Variants in GNA13 observed in about 807,000 individuals in gnomAD.
The protein encoded by GNA13 is G protein subunit alpha 13.
A neutral mutation model predicts 33.5 loss-of-function variants in GNA13; 4 were observed. The ratio of observed to expected loss-of-function variants is 0.12; its 90% CI spans 0.06 to 0.27. The LOEUF (loss-of-function observed/expected upper bound fraction) is 0.27. GNA13 is among the 10% of genes least tolerant of loss of function. The pLI is 1.00. For synonymous variants in GNA13, 176 were observed against 183.8 expected (o/e 0.96, Z 0.34); for missense variants, 319 against 487.2 (o/e 0.65, Z 3.25).
intron 2 of GNA13, among the ~76,000 whole-genome samples, chr17:65,033,180 T>C (rs1016399517): frequency 6.6e-6 from 1 of 151,836 alleles, no homozygotes; most frequent in South Asian, 2.1e-4. Flanking sequence ...AATACTGTCA[T>C]TGTTATCATT....
At chr17:65,048,320 T>A (rs926080858) in intron 2 of GNA13, among the ~76,000 whole-genome samples, 2 of 151,458 alleles carry the variant, frequency 1.3e-5, no homozygotes, top group Non-Finnish European at 2.9e-5. Flanking sequence ...AACCCCTGAC[T>A]CCCATCTCTT....
rs371507746 is a variant in GNA13 at position 65,044,060 on chromosome 17, T to C, written c.510+9442A>G. On this transcript the variant is annotated intron_variant, in intron 2 of 3. Transcript: ENST00000439174. ...TTGCTTGAGCTGGGGAGGTCAAGGCTACATACAGTAAGCCATGACTGTGCC... is the reference window on the plus strand; with the variant it reads ...TTGCTTGAGCTGGGGAGGTCAAGGCCACATACAGTAAGCCATGACTGTGCC... Among the ~76,000 whole-genome samples, 6 of 152,162 alleles carry C rather than the reference T, an allele frequency of 3.9e-5. No individual in the cohort carries two copies. In the South Asian group the frequency reaches 6.2e-4, roughly 16 times the overall value.
At chr17:65,015,403 T>C (rs1029369206) in intron 3 of GNA13, among the ~76,000 whole-genome samples, 2 of 151,588 alleles carry the variant, frequency 1.3e-5, no homozygotes, top group Non-Finnish European at 2.9e-5. Flanking sequence ...TGGCTCACGC[T>C]TGTAATTCCA....
At position 65,018,245 on chromosome 17, in the gene GNA13, A is replaced by G; in HGVS notation, c.561+8T>C. The G allele has an allele frequency of 6.9e-7, 1 of 1,453,898 alleles. No homozygotes were observed. The highest frequency in any genetic ancestry group is 9.7e-7 in the Non-Finnish European group (1 of 1,035,864). 90.1% of individuals were successfully genotyped at this position (1,453,898 alleles called of 1,614,324 possible). A position where few individuals can be genotyped will look rare whatever the true frequency, so the allele number is the denominator to read the frequency against. On this transcript the variant is annotated splice_region_variant and intron_variant, in intron 3 of 3. Transcript: ENST00000439174. ...CACTAAACATAAACATTTGGTTTAA[A>G]CACTTACTGGTTCTCCAAGTTTATC...
Position 65,012,858 on chromosome 17 carries a change from T to A in GNA13, c.*1399A>T, listed in dbSNP as rs951782967. On this transcript the variant is annotated 3_prime_UTR_variant, in exon 4 of 4. Coordinates refer to ENST00000439174, the MANE Select transcript of GNA13 (RefSeq NM_006572.6). ...AGCTGTCGCCAGCCTTGGACTTCTG[T>A]TTCTCTAATTGTAGCACTACATACA... 1.8e-5 allele frequency: 4 copies of A among 219,570 alleles called. No homozygotes were observed. Among genetic ancestry groups the A allele is most frequent in the Admixed American group, 1.7e-4 (3 of 17,296 alleles). 13.6% of individuals were successfully genotyped at this position (219,570 alleles called of 1,614,324 possible). A position where few individuals can be genotyped will look rare whatever the true frequency, so the allele number is the denominator to read the frequency against.
At chr17:65,053,451 C>A in intron 2 of GNA13, 51 bp downstream of exon 2, 1 of 1,167,030 alleles carries the variant, frequency 8.6e-7, no homozygotes, top group South Asian at 1.2e-5. Flanking sequence ...ACCTGTATTA[C>A]TAAACATCAT....
chr17:65,037,725 A>T (rs1290683452), intron 2 of GNA13, among the ~76,000 whole-genome samples: 1 of 131,634 alleles, frequency 7.6e-6, no homozygotes, highest in Non-Finnish European at 1.6e-5. Context: ...TGAGCCCAGG[A>T]GTTCGAGACC....
intron 2 of GNA13, among the ~76,000 whole-genome samples, chr17:65,030,143 T>C (rs1003058791): frequency 1.3e-5 from 2 of 152,206 alleles, no homozygotes; most frequent in Non-Finnish European, 2.9e-5. Flanking sequence ...AGTGATAAAG[T>C]ATCCTGGTAG....
chr17:65,043,554 TGAG>T (rs1598496499), intron 2 of GNA13, among the ~76,000 whole-genome samples: 3 of 152,290 alleles, frequency 2.0e-5, no homozygotes, highest in East Asian at 3.9e-4. Flanking sequence ...TCCAAAGTGC[TGAG>T]GTTACAGGTG....
At position 65,056,577 on chromosome 17, in the gene GNA13, G is replaced by T; in HGVS notation, c.17C>A (p.Pro6Gln). The T allele has an allele frequency of 1.9e-6, 3 of 1,604,898 alleles. No homozygotes were observed. Among genetic ancestry groups the T allele is most frequent in the Non-Finnish European group, 2.5e-6 (3 of 1,177,148 alleles). MADFL[P>Q]SRSVLSVCFP... ...GCACACGGACAGCACGGACCGCGAC[G>T]GCAGGAAGTCCGCCATCTTGCCGCC... is the stretch of plus-strand genomic sequence containing the variant. The change falls in exon 1 of 4, where the codon CCG (proline) becomes CAG (glutamine). Residue 6 changes from proline (P) to glutamine (Q), a missense_variant. This residue lies in a region of GNA13 where 47 missense variants were observed against 64.7 expected (regional missense o/e 0.73). Transcript: ENST00000439174.
chr17:65,045,250 C>T (rs555546566), intron 2 of GNA13, among the ~76,000 whole-genome samples: 4 of 151,554 alleles, frequency 2.6e-5, no homozygotes, highest in Non-Finnish European at 4.4e-5. Context: ...CCAGGCATGG[C>T]GGCTCACACC....
At chr17:65,031,866 T>TAGAG (rs138789425) in intron 2 of GNA13, among the ~76,000 whole-genome samples, 55 of 106,408 alleles carry the variant, frequency 5.2e-4, no homozygotes, top group African/African-American at 2.1e-3. Flanking sequence ...CCGGACAACA[T>TAGAG]AGAGAGAGAG....
chr17:65,046,620 A>G (rs920370140), intron 2 of GNA13, among the ~76,000 whole-genome samples: 4 of 152,204 alleles, frequency 2.6e-5, no homozygotes, highest in African/African-American at 7.2e-5. Flanking sequence ...TTGGCTGCGC[A>G]TATCTGTGAA....
chr17:65,038,389 C>G (rs1907336009), intron 2 of GNA13, among the ~76,000 whole-genome samples: 1 of 123,232 alleles, frequency 8.1e-6, no homozygotes, highest in African/African-American at 3.1e-5. Flanking sequence ...GGCAACAGAG[C>G]AAGACACCAT....
rs950920316 is a variant in GNA13, at chr17:65,010,479, C to A, written c.*3778G>T. Among the ~76,000 whole-genome samples, 15 of 152,010 alleles carry A rather than the reference C, an allele frequency of 9.9e-5. No homozygotes were observed. The highest frequency in any genetic ancestry group is 3.1e-4 in the African/African-American group (13 of 41,374). ...CCTCATGTTTACTAGACTGAAAAGCCACCCTGTATCCTATCATTAAAAAAC... is the reference window on the plus strand; with the variant it reads ...CCTCATGTTTACTAGACTGAAAAGCAACCCTGTATCCTATCATTAAAAAAC... On this transcript the variant is annotated 3_prime_UTR_variant, in exon 4 of 4. Coordinates refer to ENST00000439174, the MANE Select transcript of GNA13 (RefSeq NM_006572.6).
At chr17:65,036,251 T>C (rs1567823484) in intron 2 of GNA13, among the ~76,000 whole-genome samples, 1 of 152,216 alleles carries the variant, frequency 6.6e-6, no homozygotes, top group African/African-American at 2.4e-5. Flanking sequence ...AGCTGATGAA[T>C]GTGAAAATTA....
chr17:65,056,243 CG>C, intron 1 of GNA13, 67 bp downstream of exon 1: 2 of 824,278 alleles, frequency 2.4e-6, no homozygotes, highest in African/African-American at 3.5e-5. Flanking sequence ...GGCGGTGCCC[CG>C]CCCCGCACCC....
chr17:65,016,355 A>AAT (rs141386982), intron 3 of GNA13, among the ~76,000 whole-genome samples: 13 of 151,926 alleles, frequency 8.6e-5, no homozygotes, highest in Admixed American at 1.3e-4. Context: ...TGGAATTAAG[A>AAT]ATATATATAT....
At chr17:65,019,692 G>T (rs1017799828) in intron 2 of GNA13, among the ~76,000 whole-genome samples, 1 of 152,210 alleles carries the variant, frequency 6.6e-6, no homozygotes, top group Admixed American at 6.5e-5. Flanking sequence ...GGTTGGGGTG[G>T]CAGGAGGTGG....
Sources: allele counts gnomAD v4.1 joint callset (sites outside exome capture counted in the v4.1 genomes callset), GRCh38; gene constraint gnomAD v4.1.1; regional missense constraint gnomAD v4.1.1; transcripts MANE v1.5; gene names NCBI Gene and HGNC (gene_info 2026-07-23, HGNC 2026-07-21).